The following LPP variants were observed in gnomAD, a reference collection of about 807,000 sequenced individuals.
The protein encoded by LPP is lipoma-preferred partner.
LPP carries 38 observed loss-of-function variants against 60.4 expected under a neutral mutation model. The ratio of observed to expected loss-of-function variants is 0.63; its 90% CI spans 0.49 to 0.83. LPP has a LOEUF of 0.83. LPP is among the 40% of genes least tolerant of loss of function. LPP has a pLI of 0.00. For synonymous variants in LPP, 328 were observed against 290.8 expected (o/e 1.13, Z -1.30); for missense variants, 902 against 783.6 (o/e 1.15, Z -1.80).
At chr3:188,636,562 A>G (rs1473928994) in intron 7 of LPP, among the ~76,000 whole-genome samples, 1 of 152,202 alleles carries the variant, frequency 6.6e-6, no homozygotes, top group Non-Finnish European at 1.5e-5. Context: ...CCACAGCTCA[A>G]GGAAGCCTGC....
intron 8 of LPP, among the ~76,000 whole-genome samples, chr3:188,732,836 G>C (rs528097003): frequency 6.6e-6 from 1 of 152,096 alleles, no homozygotes; most frequent in African/African-American, 2.4e-5. Flanking sequence ...TAGAGTATTG[G>C]GGTATAAATT....
chr3:188,241,811 A>C (rs537389729), intron 2 of LPP, among the ~76,000 whole-genome samples: 1 of 152,266 alleles, frequency 6.6e-6, no homozygotes, highest in East Asian at 1.9e-4. Flanking sequence ...GAAAGAGTTT[A>C]TTTTCCCTAT....
At chr3:188,723,624 T>A (rs1039145376) in intron 8 of LPP, among the ~76,000 whole-genome samples, 3 of 152,092 alleles carry the variant, frequency 2.0e-5, no homozygotes, top group Admixed American at 1.3e-4. Flanking sequence ...GGTTTATTGA[T>A]GTGAATGATT....
chr3:188,394,685 A>G (rs1780490992), intron 3 of LPP, among the ~76,000 whole-genome samples: 1 of 152,084 alleles, frequency 6.6e-6, no homozygotes, highest in Admixed American at 6.6e-5. Context: ...AAAAATACAG[A>G]AGCTACTACA....
At chr3:188,515,791 T>G (rs1300066503) in intron 5 of LPP, among the ~76,000 whole-genome samples, 2 of 152,208 alleles carry the variant, frequency 1.3e-5, no homozygotes, top group East Asian at 3.8e-4. Flanking sequence ...TGTTGGCCAT[T>G]AGATAAGAAG....
intron 4 of LPP, among the ~76,000 whole-genome samples, chr3:188,432,797 C>G (rs1321078117): frequency 6.6e-6 from 1 of 152,070 alleles, no homozygotes; most frequent in Non-Finnish European, 1.5e-5. Context: ...TTAAAAGGAG[C>G]TTGTAACCTT....
At chr3:188,450,455 G>A (rs926316438) in intron 4 of LPP, among the ~76,000 whole-genome samples, 2 of 151,818 alleles carry the variant, frequency 1.3e-5, no homozygotes, top group Non-Finnish European at 2.9e-5. Context: ...TTCAAAAATC[G>A]ATTTACAGGC....
In LPP at chr3:188,888,334, A is replaced by G. The variant is rs1770911889; in HGVS notation, c.*13855A>G. On this transcript the variant is annotated 3_prime_UTR_variant, in exon 12 of 12. Transcript: ENST00000617246. ...GAAGATACAGAGCCTGAGGATAGTA[A>G]TTTTCCCTGAGCCACGCACACAGGC... 4.4e-6 allele frequency: 1 copy of G among 227,684 alleles called. No homozygotes were observed. Among genetic ancestry groups the G allele is most frequent in the Non-Finnish European group, 8.7e-6 (1 of 114,570 alleles). The allele number at this position is 227,684 out of a possible 1,614,324, so 14.1% of individuals were successfully genotyped here.
At chr3:188,681,733 A>G (rs1335043923) in intron 7 of LPP, among the ~76,000 whole-genome samples, 5 of 152,234 alleles carry the variant, frequency 3.3e-5, no homozygotes, top group African/African-American at 4.8e-5. Context: ...CTTGTGTAAT[A>G]ATGTTAAATA....
intron 6 of LPP, among the ~76,000 whole-genome samples, chr3:188,554,269 C>T (rs1318406233): frequency 6.6e-6 from 1 of 152,074 alleles, no homozygotes; most frequent in Non-Finnish European, 1.5e-5. Context: ...AACCTTCTAT[C>T]CCCTACTTTA....
At chr3:188,339,555 C>T (rs1255019186) in intron 2 of LPP, among the ~76,000 whole-genome samples, 1 of 152,148 alleles carries the variant, frequency 6.6e-6, no homozygotes, top group Non-Finnish European at 1.5e-5. Flanking sequence ...GAGGAACAGG[C>T]ACCTTCTTCA....
At chr3:188,520,400 G>C (rs920988019) in intron 5 of LPP, among the ~76,000 whole-genome samples, 2 of 152,132 alleles carry the variant, frequency 1.3e-5, no homozygotes, top group Admixed American at 6.6e-5. Context: ...TTTCTGTGCC[G>C]GGCCTTCTCT....
chr3:188,521,892 A>G (rs1410043588), intron 5 of LPP, among the ~76,000 whole-genome samples: 1 of 152,200 alleles, frequency 6.6e-6, no homozygotes, highest in Non-Finnish European at 1.5e-5. Context: ...CTACTATAAT[A>G]TTTTATATCT....
intron 2 of LPP, among the ~76,000 whole-genome samples, chr3:188,232,636 G>A (rs939487304): frequency 2.7e-5 from 4 of 150,934 alleles, no homozygotes; most frequent in African/African-American, 9.7e-5. Flanking sequence ...TTACAGGTGT[G>A]AGCTGCCATG....
At chr3:188,431,282 A>AT (rs1339775799) in intron 4 of LPP, among the ~76,000 whole-genome samples, 1 of 152,022 alleles carries the variant, frequency 6.6e-6, no homozygotes, top group African/African-American at 2.4e-5. Context: ...TTAGTTGGGC[A>AT]TTTTTTTCAG....
At chr3:188,737,685 GC>G (rs1356085894) in intron 8 of LPP, among the ~76,000 whole-genome samples, 1 of 152,132 alleles carries the variant, frequency 6.6e-6, no homozygotes, top group African/African-American at 2.4e-5. Flanking sequence ...GCTGGCTTTG[GC>G]TACGGTTTGC....
At chr3:188,240,071 T>A (rs2149439010) in intron 2 of LPP, 1 of 197,456 alleles carries the variant, frequency 5.1e-6, no homozygotes, top group South Asian at 1.9e-4. Context: ...CTGGTATTGC[T>A]GTCCTGTAGT....
chr3:188,511,432 T>C (rs1815624229), intron 5 of LPP, among the ~76,000 whole-genome samples: 1 of 150,912 alleles, frequency 6.6e-6, no homozygotes, highest in South Asian at 2.1e-4. Flanking sequence ...AATGGAGAAG[T>C]AGATGGCAAA....
chr3:188,366,277 T>G (rs1771140595), intron 3 of LPP, among the ~76,000 whole-genome samples: 1 of 152,218 alleles, frequency 6.6e-6, no homozygotes, highest in South Asian at 2.1e-4. Context: ...CTTTATTCAC[T>G]CTTCAAATGA....
Sources: allele counts gnomAD v4.1 joint callset (sites outside exome capture counted in the v4.1 genomes callset), GRCh38; gene constraint gnomAD v4.1.1; transcripts MANE v1.5; gene names NCBI Gene and HGNC (gene_info 2026-07-23, HGNC 2026-07-21).